PRAMEF4: variants seen among roughly 807,000 people sequenced by gnomAD.
PRAMEF4 encodes PRAME family member 4.
In PRAMEF4, 18 loss-of-function variants were observed where a neutral mutation model predicts 34.4. That is an observed-to-expected ratio of 0.52 (90% CI 0.36 to 0.78). The LOEUF (loss-of-function observed/expected upper bound fraction) is 0.78. PRAMEF4 is among the 30% of genes least tolerant of loss of function. PRAMEF4 has a pLI of 0.00. For synonymous variants in PRAMEF4, 156 were observed against 219.3 expected, an observed-to-expected ratio of 0.71 and a Z score of 2.55; for missense variants, 482 against 569.1, an observed-to-expected ratio of 0.85 and a Z score of 1.56.
chr1:12,882,525 G>C lies in PRAMEF4; in HGVS notation c.294-90C>G, dbSNP rs1341581154. 77 of 1,532,010 alleles carry C rather than the reference G, an allele frequency of 5.0e-5. 3 individuals carry two copies. Among genetic ancestry groups the C allele is most frequent in the Non-Finnish European group, 6.8e-5 (77 of 1,131,334 alleles). The allele number at this position is 1,532,010 out of a possible 1,614,324, so 94.9% of individuals were successfully genotyped here. ...CTGGATAGCAGCTCCTCCCCTCCCT[G>C]CTTCTTGTCCCTCTCTCTGACTTTT... On this transcript the variant is annotated intron_variant, in intron 2 of 3. Transcript: ENST00000235349.
chr1:12,885,799 A>C (rs547424827), intron 1 of PRAMEF4, among the ~76,000 whole-genome samples: 1 of 146,356 alleles, frequency 6.8e-6, no homozygotes, highest in African/African-American at 2.6e-5. Context: ...CTCAAAAAAA[A>C]AACGTTGTGC....
chr1:12,885,989 C>A (rs61781705), intron 1 of PRAMEF4, among the ~76,000 whole-genome samples, 158 bp downstream of exon 1: 39,586 of 65,170 alleles, frequency 0.61, 13,306 homozygotes, highest in African/African-American at 0.85. Flanking sequence ...ACAGAACTGC[C>A]TTTAGAGGAA....
In PRAMEF4 at chr1:12,880,123, G is replaced by T. The variant is rs61781258; in HGVS notation, c.876-18C>A. 1 of 1,531,978 alleles carries T rather than the reference G, an allele frequency of 6.5e-7. No homozygotes were observed. Among genetic ancestry groups the T allele is most frequent in the African/African-American group, 1.4e-5 (1 of 70,236 alleles). The allele number at this position is 1,531,978 out of a possible 1,614,324, so 94.9% of individuals were successfully genotyped here. A position where few individuals can be genotyped will look rare whatever the true frequency, so the allele number is the denominator to read the frequency against. Reference sequence around the variant, plus strand: ...TCAGACAGCTGGGGAGAGAGAGCAAGAAGTTAATTCTGGGGAATCATAGGG... The same window carrying T: ...TCAGACAGCTGGGGAGAGAGAGCAATAAGTTAATTCTGGGGAATCATAGGG... On this transcript the variant is annotated intron_variant, in intron 3 of 3. Coordinates refer to ENST00000235349, the MANE Select transcript of PRAMEF4 (RefSeq NM_001009611.4).
rs5005750 is a variant in PRAMEF4, at chr1:12,885,238, T to C, written c.-17+909A>G. On this transcript the variant is annotated intron_variant, in intron 1 of 3. Transcript: ENST00000235349. ...TCCGCCTCCAAGATTCAAGCAATTC[T>C]CATGCTTCAGCCTTCCACATAGCTG... is the stretch of plus-strand genomic sequence containing the variant. Among the ~76,000 whole-genome samples the C allele has an allele frequency of 1.5e-3, 209 of 137,672 alleles. 11 individuals are homozygous for C. Among genetic ancestry groups the C allele is most frequent in the African/African-American group, 5.5e-3 (199 of 36,092 alleles). 90.3% of individuals were successfully genotyped at this position (137,672 alleles called of 152,430 possible). A position where few individuals can be genotyped will look rare whatever the true frequency, so the allele number is the denominator to read the frequency against.
rs1295981379 is a variant in PRAMEF4 at position 12,885,385 on chromosome 1, G to A, written c.-17+762C>T. Among the ~76,000 whole-genome samples, 272 of 149,872 alleles carry A rather than the reference G, an allele frequency of 1.8e-3. 1 individual carries two copies. The highest frequency in any genetic ancestry group is 2.8e-3 in the Non-Finnish European group (192 of 67,560). ...TTTTGTTTTTGTTTTTGGACAGAGT[G>A]TCTCTCTTTTGCCCAGGCTGGAGTA... On this transcript the variant is annotated intron_variant, in intron 1 of 3. Transcript: ENST00000235349.
At chr1:12,880,866 C>A (rs1640874679) in intron 3 of PRAMEF4, among the ~76,000 whole-genome samples, 1 of 145,692 alleles carries the variant, frequency 6.9e-6, no homozygotes, top group African/African-American at 2.6e-5. Flanking sequence ...TGCACCCTGA[C>A]CCTCTGTTTC....
Position 12,881,948 on chromosome 1 carries a change from G to T in PRAMEF4, c.781C>A (p.Gln261Lys), listed in dbSNP as rs753515921. The change falls in exon 3 of 4, where the codon CAG becomes AAG. Residue 261 changes from glutamine to lysine, a missense_variant. Coordinates refer to ENST00000235349, the MANE Select transcript of PRAMEF4 (RefSeq NM_001009611.4). ...AGCTTGAGGAACTGAGTGGTGAACT[G>T]GGTAACAATCTCCTTCTTCTGCTCT... ...SPEQKKEIVT[Q>K]FTTQFLKLRC... The T allele has an allele frequency of 1.2e-5, 19 of 1,592,016 alleles. No homozygotes were observed. Among genetic ancestry groups the T allele is most frequent in the Non-Finnish European group, 1.6e-5 (19 of 1,176,672 alleles).
intron 2 of PRAMEF4, among the ~76,000 whole-genome samples, 164 bp downstream of exon 2, chr1:12,882,938 T>C (rs1445661031): frequency 3.5e-5 from 5 of 144,612 alleles, no homozygotes; most frequent in South Asian, 2.2e-4. Flanking sequence ...TCCATGGACC[T>C]TGCGTGGTGA....
intron 3 of PRAMEF4, among the ~76,000 whole-genome samples, chr1:12,881,617 A>G (rs61781963): frequency 0.77 from 103,097 of 133,736 alleles, 42,217 homozygotes; most frequent in African/African-American, 0.93. Flanking sequence ...CCAGTAGCTG[A>G]CTTCCTAGCA....
At chr1:12,881,792 C>G (rs1640893824) in intron 3 of PRAMEF4, 62 bp downstream of exon 3, 8 of 1,598,102 alleles carry the variant, frequency 5.0e-6, no homozygotes, top group Middle Eastern at 2.0e-4. Context: ...TAGATGCCCA[C>G]TAGTGTTTAC....
rs567659813 is a variant in PRAMEF4, at chr1:12,882,044, A to G, written c.685T>C (p.Tyr229His). Residue 229 changes from tyrosine (Y) to histidine (H), a missense_variant, in exon 3 of 4, where the codon TAC becomes CAC. Tyr to His is a moderately conservative substitution (Grantham distance 83). Transcript: ENST00000235349. ...VLPILTQFTP[Y>H]LGHMRNLQKL... ...TGAAGATTCCTCATGTGGCCCAGGT[A>G]TGGGGTAAACTGTGTCAGGATGGGC... 6.3e-7 allele frequency: 1 copy of G among 1,590,386 alleles called. No individual in the cohort carries two copies. Among genetic ancestry groups the G allele is most frequent in the Non-Finnish European group, 8.5e-7 (1 of 1,173,502 alleles).
chr1:12,880,386 C>G (rs4269779), intron 3 of PRAMEF4, among the ~76,000 whole-genome samples: 7,050 of 132,212 alleles, frequency 0.053, 10 homozygotes, highest in East Asian at 0.12. Context: ...GACCAGCCTG[C>G]TGAACATGGC....
chr1:12,879,681 C>A lies in PRAMEF4; in HGVS notation c.1300G>T (p.Ala434Ser), dbSNP rs200810470. 24 of 1,602,164 alleles carry A rather than the reference C, an allele frequency of 1.5e-5. 1 individual carries two copies. The highest frequency in any genetic ancestry group is 1.9e-5 in the Non-Finnish European group (22 of 1,175,282). ...ADGTLCWSRF[A>S]QIRAELMNRV... ...TTCATCAGCTCAGCCCTAATTTGAGCAAATCTGCTCCAGCAGAGAGTACCA... is the reference window on the plus strand; with the variant it reads ...TTCATCAGCTCAGCCCTAATTTGAGAAAATCTGCTCCAGCAGAGAGTACCA... The change falls in exon 4 of 4, where the codon GCT becomes TCT. Residue 434 changes from alanine (A) to serine (S), a missense_variant. Around this residue, in one of 6 missense-constraint regions of PRAMEF4, gnomAD observed 116 missense variants for 105.2 expected, o/e 1.10. Coordinates refer to ENST00000235349, the MANE Select transcript of PRAMEF4 (RefSeq NM_001009611.4).
chr1:12,882,717 A>C (rs1182693070), intron 2 of PRAMEF4, among the ~76,000 whole-genome samples: 1 of 147,770 alleles, frequency 6.8e-6, no homozygotes, highest in Non-Finnish European at 1.5e-5. Context: ...CAACCTCACA[A>C]GTAGCTGGGA....
rs188522629 is a variant in PRAMEF4 at position 12,881,983 on chromosome 1, T to G, written c.746A>C (p.Tyr249Ser). Residue 249 changes from tyrosine (Y) to serine (S), a missense_variant, in exon 3 of 4, where the codon TAC (tyrosine) becomes TCC (serine). Tyr to Ser is a moderately radical substitution (Grantham distance 144). Transcript: ENST00000235349. ...CTCCTTCTTCTGCTCTGGGGAAACG[T>G]AGCGAGAGACATCCATGTGGGAGAG... ...LILSHMDVSRYVSPEQKKEIV... is the reference protein window; with the variant it reads ...LILSHMDVSRSVSPEQKKEIV... 108 of 1,588,020 alleles carry G rather than the reference T, an allele frequency of 6.8e-5. 6 individuals carry two copies. In the East Asian group the frequency reaches 2.2e-3, roughly 33 times the overall value.
Position 12,882,800 on chromosome 1 carries a change from G to T in PRAMEF4, c.293+302C>A, listed in dbSNP as rs532591415. On this transcript the variant is annotated intron_variant, in intron 2 of 3. Transcript: ENST00000235349. ...GAGTTGGGGTTTACCATGTTGGACA[G>T]GCTGGCCTCCAACTCTTGACCTCAG... Among the ~76,000 whole-genome samples, 858 of 147,802 alleles carry T rather than the reference G, an allele frequency of 5.8e-3. 44 individuals carry two copies. Among genetic ancestry groups the T allele is most frequent in the Non-Finnish European group, 8.9e-3 (599 of 67,328 alleles).
At chr1:12,880,378 C>A (rs1311348011) in intron 3 of PRAMEF4, among the ~76,000 whole-genome samples, 2 of 150,474 alleles carry the variant, frequency 1.3e-5, no homozygotes, top group African/African-American at 4.9e-5. Flanking sequence ...GAGTTTGAGA[C>A]CAGCCTGCTG....
chr1:12,885,827 A>C (rs567413230), intron 1 of PRAMEF4, among the ~76,000 whole-genome samples: 1 of 142,992 alleles, frequency 7.0e-6, no homozygotes, highest in Admixed American at 7.4e-5. Flanking sequence ...GGTTTTTGTC[A>C]TGTTGTCCAG....
At chr1:12,880,265 G>A (rs1197183598) in intron 3 of PRAMEF4, among the ~76,000 whole-genome samples, 160 bp from the exon 4 acceptor site, 1 of 151,564 alleles carries the variant, frequency 6.6e-6, no homozygotes, top group African/African-American at 2.4e-5. Context: ...GTGATGAAGA[G>A]CTTTGCCACC....
Sources: allele counts gnomAD v4.1 joint callset (sites outside exome capture counted in the v4.1 genomes callset), GRCh38; gene constraint gnomAD v4.1.1; regional missense constraint gnomAD v4.1.1; transcripts MANE v1.5; gene names NCBI Gene and HGNC (gene_info 2026-07-23, HGNC 2026-07-21).